The following SGMS1 variants were observed in gnomAD, a reference collection of about 807,000 sequenced individuals.
SGMS1 encodes the protein sphingomyelin synthase 1, also known as phosphatidylcholine:ceramide cholinephosphotransferase 1.
In SGMS1, 13 loss-of-function variants were observed where a neutral mutation model predicts 46.2. The ratio of observed to expected loss-of-function variants is 0.28; its 90% CI spans 0.18 to 0.45. SGMS1 has a LOEUF of 0.45. Among genes scored for constraint, SGMS1 ranks in the 20% least tolerant of loss-of-function variants. The pLI, the probability that SGMS1 is intolerant of heterozygous loss-of-function variation, is 1.00. For synonymous variants in SGMS1, 203 were observed against 187.8 expected (o/e 1.08, Z -0.66); for missense variants, 324 against 519.9 (o/e 0.62, Z 3.66).
At chr10:50,608,305 C>A (rs1588891324) in intron 1 of SGMS1, among the ~76,000 whole-genome samples, 1 of 152,026 alleles carries the variant, frequency 6.6e-6, no homozygotes, top group South Asian at 2.1e-4. Context: ...ATTATTTTAA[C>A]TTATACATTT....
chr10:50,344,898 A>G (rs1847891610), intron 6 of SGMS1, among the ~76,000 whole-genome samples: 1 of 152,004 alleles, frequency 6.6e-6, no homozygotes, highest in Non-Finnish European at 1.5e-5. Context: ...ATAATTTCCA[A>G]TGGTCTATTT....
intron 6 of SGMS1, among the ~76,000 whole-genome samples, chr10:50,398,296 G>C (rs1300552887): frequency 6.6e-6 from 1 of 151,952 alleles, no homozygotes; most frequent in Non-Finnish European, 1.5e-5. Context: ...ATACTTTCAG[G>C]AACTATCAGA....
intron 1 of SGMS1, among the ~76,000 whole-genome samples, chr10:50,620,052 A>G (rs1263037302): frequency 6.6e-6 from 1 of 152,234 alleles, no homozygotes; most frequent in African/African-American, 2.4e-5. Flanking sequence ...GGCCTGAGCC[A>G]AACTTATTCA....
chr10:50,374,214 C>T (rs1351257158), intron 6 of SGMS1, among the ~76,000 whole-genome samples: 2 of 152,170 alleles, frequency 1.3e-5, no homozygotes, highest in Non-Finnish European at 2.9e-5. Flanking sequence ...AAAGCATTGT[C>T]CTGGGCATTC....
intron 3 of SGMS1, among the ~76,000 whole-genome samples, chr10:50,474,481 T>C (rs1837403067): frequency 6.6e-6 from 1 of 152,188 alleles, no homozygotes; most frequent in African/African-American, 2.4e-5. Context: ...AGCCTCTCTG[T>C]GGGCAGTGTT....
At chr10:50,353,131 AC>A (rs1848051892) in intron 6 of SGMS1, among the ~76,000 whole-genome samples, 1 of 152,258 alleles carries the variant, frequency 6.6e-6, no homozygotes, top group Non-Finnish European at 1.5e-5. Context: ...CAGAGACACA[AC>A]AAAAAAAGAG....
At chr10:50,461,481 T>C (rs1311180920) in intron 4 of SGMS1, among the ~76,000 whole-genome samples, 2 of 152,194 alleles carry the variant, frequency 1.3e-5, no homozygotes, top group East Asian at 3.8e-4. Flanking sequence ...AGAAAGGTAG[T>C]ATATTTTAGT....
chr10:50,467,649 A>C (rs2133696602), intron 3 of SGMS1, among the ~76,000 whole-genome samples: 1 of 152,300 alleles, frequency 6.6e-6, no homozygotes, highest in South Asian at 2.1e-4. Flanking sequence ...CCACTCTCCC[A>C]AAAAGTCAAC....
intron 5 of SGMS1, among the ~76,000 whole-genome samples, chr10:50,454,760 TA>T (rs1837169972): frequency 1.3e-5 from 2 of 152,236 alleles, no homozygotes; most frequent in Admixed American, 1.3e-4. Context: ...GCTTAATTGC[TA>T]TAGAAAACAC....
At chr10:50,433,709 G>C (rs1849434713) in intron 5 of SGMS1, among the ~76,000 whole-genome samples, 153 bp from the exon 6 acceptor site, 2 of 152,118 alleles carry the variant, frequency 1.3e-5, no homozygotes, top group African/African-American at 4.8e-5. Context: ...AGAGAAAATA[G>C]CAACACAGAA....
intron 6 of SGMS1, among the ~76,000 whole-genome samples, chr10:50,347,822 TA>T (rs1325991274): frequency 1.3e-5 from 2 of 152,212 alleles, no homozygotes; most frequent in African/African-American, 4.8e-5. Context: ...AAGAGTCACA[TA>T]ATCTCCTCTC....
chr10:50,432,312 C>G (rs1469032824), intron 6 of SGMS1, among the ~76,000 whole-genome samples: 1 of 152,094 alleles, frequency 6.6e-6, no homozygotes, highest in Non-Finnish European at 1.5e-5. Context: ...ATACTCAAAT[C>G]TCATCACTTC....
chr10:50,373,891 G>C (rs1439861159), intron 6 of SGMS1, among the ~76,000 whole-genome samples: 1 of 152,184 alleles, frequency 6.6e-6, no homozygotes, highest in Non-Finnish European at 1.5e-5. Flanking sequence ...TCCTATGGTA[G>C]AGGAGTCAAA....
chr10:50,448,964 A>C (rs1472979664), intron 5 of SGMS1, among the ~76,000 whole-genome samples: 1 of 152,170 alleles, frequency 6.6e-6, no homozygotes, highest in Non-Finnish European at 1.5e-5. Context: ...AAAGGGCTCC[A>C]CATAATATAT....
intron 1 of SGMS1, among the ~76,000 whole-genome samples, chr10:50,622,938 GA>G (rs1458616472): frequency 1.3e-5 from 2 of 152,238 alleles, no homozygotes; most frequent in Admixed American, 1.3e-4. Context: ...GGATAGCGCA[GA>G]CCCCCTCTGT....
chr10:50,454,316 T>C lies in SGMS1; in HGVS notation c.-313+6357A>G, dbSNP rs79509493. ...TAAGAAGGGAATAGAACTATGAATG[T>C]AGCATCAGAAAAACTAACTAATCAG... is the stretch of plus-strand genomic sequence containing the variant. On this transcript the variant is annotated intron_variant, in intron 5 of 10. Transcript: ENST00000361781. Among the ~76,000 whole-genome samples, 378 of 152,230 alleles carry C rather than the reference T, an allele frequency of 2.5e-3. 2 individuals carry two copies. The highest frequency in any genetic ancestry group is 3.9e-3 in the Non-Finnish European group (264 of 68,010).
chr10:50,543,495 T>C lies in SGMS1; in HGVS notation c.-588-23574A>G, dbSNP rs74779457. On this transcript the variant is annotated intron_variant, in intron 2 of 10. Transcript: ENST00000361781. ...CAAATATGTGGTAGAGGTAAAAAAA[T>C]CATACTGATTGTCAGGAAAAGAAGT... 9.2e-5 allele frequency among the ~76,000 whole-genome samples: 14 copies of C among 152,292 alleles called. No individual in the cohort carries two copies. The East Asian group carries it at 2.5e-3, about 27-fold the overall frequency.
intron 7 of SGMS1, among the ~76,000 whole-genome samples, chr10:50,338,897 G>A (rs936624355): frequency 2.6e-5 from 4 of 151,998 alleles, no homozygotes; most frequent in African/African-American, 4.8e-5. Flanking sequence ...GTGCCATCAC[G>A]CCCAGCTAAT....
chr10:50,586,945 C>T (rs1481255031), intron 2 of SGMS1, among the ~76,000 whole-genome samples: 4 of 152,192 alleles, frequency 2.6e-5, no homozygotes, highest in Non-Finnish European at 4.4e-5. Context: ...CAATGGAATG[C>T]TCTAAAGAAA....
Sources: allele counts gnomAD v4.1 joint callset (sites outside exome capture counted in the v4.1 genomes callset), GRCh38; gene constraint gnomAD v4.1.1; transcripts MANE v1.5; gene names NCBI Gene and HGNC (gene_info 2026-07-23, HGNC 2026-07-21).